The following PKIB variants were observed in gnomAD, a reference collection of about 807,000 sequenced individuals.
PKIB encodes the protein cAMP-dependent protein kinase inhibitor beta.
Under a neutral mutation model 4.5 loss-of-function variants are expected in PKIB, and 2 were observed. The observed-to-expected ratio is 0.44, with a 90% CI of 0.18 to 1.39. PKIB has a LOEUF of 1.39. PKIB is among the 40% of genes most tolerant of loss of function. PKIB has a pLI of 0.27. For synonymous variants in PKIB, 38 were observed against 36.0 expected, an observed-to-expected ratio of 1.06 and a Z score of -0.20; for missense variants, 94 against 92.6, an observed-to-expected ratio of 1.02 and a Z score of -0.06.
rs1132635 is a variant in PKIB at position 122,725,777 on chromosome 6, A to G, written c.*582A>G. 54,045 of 151,260 alleles carry G rather than the reference A, an allele frequency of 0.36. 10,196 individuals carry two copies. The highest frequency in any genetic ancestry group is 0.43 in the Non-Finnish European group (29,153 of 67,914). 9.4% of individuals were successfully genotyped at this position (151,260 alleles called of 1,614,324 possible). ...CATCTTTAGGATATTTTTGTCTGACATATTTTGCTTCTAGTATGTGCCTAC... is the reference window on the plus strand; with the variant it reads ...CATCTTTAGGATATTTTTGTCTGACGTATTTTGCTTCTAGTATGTGCCTAC... On this transcript the variant is annotated 3_prime_UTR_variant, in exon 5 of 5. Transcript: ENST00000368452.
At chr6:122,478,753 T>A (rs922923198) in intron 2 of PKIB, 3 of 152,134 alleles carry the variant, frequency 2.0e-5, no homozygotes, top group African/African-American at 7.2e-5. Context: ...TAGGAGAAAG[T>A]GTTTTAGAGA....
At chr6:122,528,177 A>G (rs1219872155) in intron 2 of PKIB, among the ~76,000 whole-genome samples, 3 of 152,184 alleles carry the variant, frequency 2.0e-5, no homozygotes, top group Non-Finnish European at 4.4e-5. Flanking sequence ...TTTGTCTACT[A>G]TACCAATATT....
chr6:122,660,561 T>G (rs1353142100), intron 2 of PKIB, among the ~76,000 whole-genome samples: 2 of 152,176 alleles, frequency 1.3e-5, no homozygotes, highest in Non-Finnish European at 2.9e-5. Flanking sequence ...TTGTAATCAC[T>G]GGAAAGTTTA....
At chr6:122,509,678 A>G (rs1446840864) in intron 2 of PKIB, among the ~76,000 whole-genome samples, 1 of 151,824 alleles carries the variant, frequency 6.6e-6, no homozygotes, top group Non-Finnish European at 1.5e-5. Flanking sequence ...TGATCTGCCC[A>G]CCTCGGCCTC....
At chr6:122,540,528 G>T (rs1198266316) in intron 2 of PKIB, among the ~76,000 whole-genome samples, 1 of 151,974 alleles carries the variant, frequency 6.6e-6, no homozygotes, top group Non-Finnish European at 1.5e-5. Flanking sequence ...TAGTTTGATT[G>T]CACTGTGGTC....
intron 2 of PKIB, among the ~76,000 whole-genome samples, chr6:122,554,095 T>A (rs1350596845): frequency 6.6e-6 from 1 of 152,254 alleles, no homozygotes; most frequent in Non-Finnish European, 1.5e-5. Flanking sequence ...CTTAGATTCC[T>A]TAAATTTGTC....
chr6:122,652,921 A>G (rs1776620606), intron 2 of PKIB: 1 of 152,178 alleles, frequency 6.6e-6, no homozygotes, highest in South Asian at 2.1e-4. Context: ...ATTTTTGTTC[A>G]TTCTTCAGAA....
intron 2 of PKIB, among the ~76,000 whole-genome samples, chr6:122,659,152 C>A (rs931621554): frequency 6.6e-6 from 1 of 152,042 alleles, no homozygotes; most frequent in Non-Finnish European, 1.5e-5. Flanking sequence ...TGTTTCCTGA[C>A]AAAGTTTAAA....
chr6:122,576,625 C>A (rs1392560434), intron 2 of PKIB, among the ~76,000 whole-genome samples: 1 of 133,120 alleles, frequency 7.5e-6, no homozygotes, highest in Non-Finnish European at 1.5e-5. Flanking sequence ...GCCCAGATGG[C>A]GCCACTACAC....
chr6:122,479,943 A>C (rs1775560748), intron 2 of PKIB: 2 of 152,212 alleles, frequency 1.3e-5, no homozygotes, highest in Non-Finnish European at 1.5e-5. Flanking sequence ...ATATAGAAAA[A>C]ATAATAGAAA....
intron 2 of PKIB, among the ~76,000 whole-genome samples, chr6:122,520,661 T>TCCCTCCCCC (rs543467489): frequency 1.8e-5 from 1 of 55,546 alleles, no homozygotes; most frequent in Non-Finnish European, 3.8e-5. Flanking sequence ...AAGTTTATGT[T>TCCCTCCCCC]CCCACCCCCC....
At chr6:122,485,321 G>C (rs1775733623) in intron 2 of PKIB, among the ~76,000 whole-genome samples, 1 of 151,606 alleles carries the variant, frequency 6.6e-6, no homozygotes. Flanking sequence ...ATATAAATAA[G>C]AGGCCTAAGT....
At chr6:122,554,618 G>T (rs1472600967) in intron 2 of PKIB, among the ~76,000 whole-genome samples, 1 of 152,134 alleles carries the variant, frequency 6.6e-6, no homozygotes, top group African/African-American at 2.4e-5. Context: ...TCTATCAAAG[G>T]TCATACAGCC....
At chr6:122,532,562 A>C (rs1056105822) in intron 2 of PKIB, among the ~76,000 whole-genome samples, 5 of 152,044 alleles carry the variant, frequency 3.3e-5, no homozygotes, top group African/African-American at 1.2e-4. Flanking sequence ...CCACTATTCT[A>C]CCTTCTTTAT....
intron 2 of PKIB, among the ~76,000 whole-genome samples, chr6:122,491,410 T>C (rs1428099834): frequency 6.6e-6 from 1 of 152,140 alleles, no homozygotes. Context: ...GAATCATCTA[T>C]TATTATTTTA....
At chr6:122,482,796 T>G (rs559721) in intron 2 of PKIB, 106,581 of 151,380 alleles carry the variant, frequency 0.7, 37,621 homozygotes, top group South Asian at 0.78. Flanking sequence ...TGATCTGTCT[T>G]CCTTGCTCTC....
At chr6:122,495,154 C>A (rs1436095747) in intron 2 of PKIB, among the ~76,000 whole-genome samples, 1 of 152,120 alleles carries the variant, frequency 6.6e-6, no homozygotes, top group African/African-American at 2.4e-5. Flanking sequence ...GACAGCTCCT[C>A]ATTCTTCTGA....
At chr6:122,503,476 T>C (rs192049372) in intron 2 of PKIB, among the ~76,000 whole-genome samples, 1 of 152,348 alleles carries the variant, frequency 6.6e-6, no homozygotes, top group Non-Finnish European at 1.5e-5. Context: ...GAGTTTATTT[T>C]ATATTTCAGC....
intron 1 of PKIB, among the ~76,000 whole-genome samples, chr6:122,626,326 G>A (rs1055609008): frequency 2.6e-5 from 4 of 152,162 alleles, no homozygotes; most frequent in African/African-American, 9.6e-5. Flanking sequence ...TACGAGTAAA[G>A]ATTTATGAAT....
Sources: gnomAD v4.1 joint callset for allele counts (sites outside exome capture counted in the v4.1 genomes callset) on GRCh38, gnomAD v4.1.1 for gene constraint, MANE v1.5 for transcripts, NCBI Gene and HGNC (gene_info 2026-07-23, HGNC 2026-07-21) for gene names.